Variants in STPG2 observed in about 807,000 individuals in gnomAD.
The protein encoded by STPG2 is sperm-tail PG-rich repeat-containing protein 2.
STPG2 carries 56 observed loss-of-function variants against 54.2 expected under a neutral mutation model. That is an observed-to-expected ratio of 1.03 (90% CI 0.83 to 1.29). The LOEUF (loss-of-function observed/expected upper bound fraction) is 1.29, where lower values mean the gene tolerates loss of function less well. Among genes scored for constraint, STPG2 ranks in the 50% most tolerant of loss-of-function variants. The pLI is 0.00. For synonymous variants in STPG2, 200 were observed against 181.8 expected (o/e 1.10, Z -0.81); for missense variants, 596 against 544.9 (o/e 1.09, Z -0.93).
chr4:98,113,421 T>C (rs1354955568), intron 3 of STPG2, among the ~76,000 whole-genome samples: 1 of 152,112 alleles, frequency 6.6e-6, no homozygotes, highest in Non-Finnish European at 1.5e-5. Context: ...CAACTCTCTT[T>C]AGTAACTCCA....
At chr4:97,498,881 G>A (rs1730664681) in intron 4 of STPG2, among the ~76,000 whole-genome samples, 1 of 151,758 alleles carries the variant, frequency 6.6e-6, no homozygotes, top group African/African-American at 2.4e-5. Context: ...ATTATGAAAG[G>A]AGTACAACAG....
chr4:97,922,464 T>G (rs1295386960), intron 8 of STPG2, among the ~76,000 whole-genome samples: 2 of 152,346 alleles, frequency 1.3e-5, no homozygotes, highest in Non-Finnish European at 2.9e-5. Context: ...TCTCCTCATT[T>G]TGAAGAAACT....
intron 8 of STPG2, among the ~76,000 whole-genome samples, chr4:97,852,719 T>C (rs1431229939): frequency 6.6e-6 from 1 of 151,952 alleles, no homozygotes; most frequent in Non-Finnish European, 1.5e-5. Flanking sequence ...AAATACACTA[T>C]GCAAAAGGTA....
At chr4:97,645,541 T>C (rs933084605) in intron 10 of STPG2, among the ~76,000 whole-genome samples, 2 of 152,162 alleles carry the variant, frequency 1.3e-5, no homozygotes, top group South Asian at 2.1e-4. Context: ...ATGTGGCATA[T>C]GAATGTGGCT....
intron 8 of STPG2, among the ~76,000 whole-genome samples, chr4:97,928,181 T>G (rs1322181968): frequency 6.6e-6 from 1 of 152,174 alleles, no homozygotes; most frequent in Non-Finnish European, 1.5e-5. Flanking sequence ...GGTTTCCATC[T>G]GAGAGGCCCT....
chr4:97,998,865 C>T (rs1446622629), intron 5 of STPG2, among the ~76,000 whole-genome samples: 6 of 152,144 alleles, frequency 3.9e-5, no homozygotes, highest in Non-Finnish European at 8.8e-5. Context: ...GTTCCATGCA[C>T]ATGTCAGTGG....
chr4:97,587,550 G>A (rs1733031063), intron 10 of STPG2, among the ~76,000 whole-genome samples: 1 of 151,936 alleles, frequency 6.6e-6, no homozygotes, highest in African/African-American at 2.4e-5. Flanking sequence ...GTGGGTCACA[G>A]GACTTAGCAT....
At chr4:97,733,501 G>T (rs1724872973) in intron 9 of STPG2, among the ~76,000 whole-genome samples, 1 of 151,910 alleles carries the variant, frequency 6.6e-6, no homozygotes, top group Admixed American at 6.6e-5. Context: ...ACATTACTCA[G>T]GTGACAGATA....
At chr4:97,911,663 G>C (rs1354332117) in intron 8 of STPG2, among the ~76,000 whole-genome samples, 1 of 152,146 alleles carries the variant, frequency 6.6e-6, no homozygotes, top group African/African-American at 2.4e-5. Context: ...CTCTAGCAAG[G>C]GTTTTACCAG....
chr4:97,599,823 CAAAAA>C (rs34252589), intron 10 of STPG2, among the ~76,000 whole-genome samples: 1 of 112,806 alleles, frequency 8.9e-6, no homozygotes, highest in African/African-American at 3.9e-5. Context: ...GATTCTGTCT[CAAAAA>C]AAAAAAAAAG....
intron 8 of STPG2, among the ~76,000 whole-genome samples, chr4:97,899,308 C>A (rs2149183817): frequency 6.6e-6 from 1 of 151,888 alleles, no homozygotes; most frequent in South Asian, 2.1e-4. Flanking sequence ...AAACAGTGCT[C>A]ACAGAAATCA....
intron 10 of STPG2, among the ~76,000 whole-genome samples, chr4:97,622,410 A>G (rs1734035433): frequency 6.6e-6 from 1 of 151,918 alleles, no homozygotes; most frequent in Non-Finnish European, 1.5e-5. Flanking sequence ...TCTTGATTAG[A>G]TAAACAAATT....
intron 8 of STPG2, among the ~76,000 whole-genome samples, chr4:97,856,986 T>C (rs1729358668): frequency 6.6e-6 from 1 of 152,140 alleles, no homozygotes. Context: ...GTTGAACAAA[T>C]CCTGCATCCC....
At chr4:98,136,443 C>A (rs1230324675) in intron 1 of STPG2, among the ~76,000 whole-genome samples, 1 of 151,496 alleles carries the variant, frequency 6.6e-6, no homozygotes, top group Non-Finnish European at 1.5e-5. Context: ...AACACAAAGA[C>A]TATTTTATAA....
At chr4:97,778,173 G>A (rs1262337536) in intron 9 of STPG2, among the ~76,000 whole-genome samples, 3 of 152,154 alleles carry the variant, frequency 2.0e-5, no homozygotes, top group Non-Finnish European at 4.4e-5. Flanking sequence ...GCCAAAGGAA[G>A]GGGTGACAGA....
intron 4 of STPG2, among the ~76,000 whole-genome samples, chr4:97,519,350 T>C (rs957873685): frequency 1.3e-5 from 2 of 151,938 alleles, no homozygotes; most frequent in Non-Finnish European, 2.9e-5. Context: ...CTGCTTGCCC[T>C]GGAAGGCATC....
At chr4:97,931,873 G>T (rs746154013) in intron 8 of STPG2, among the ~76,000 whole-genome samples, 4 of 151,744 alleles carry the variant, frequency 2.6e-5, no homozygotes, top group Non-Finnish European at 5.9e-5. Flanking sequence ...TCAGGTCTTG[G>T]TCTTTTTTTT....
chr4:97,858,118 T>C (rs1366259478), intron 8 of STPG2, among the ~76,000 whole-genome samples: 1 of 151,882 alleles, frequency 6.6e-6, no homozygotes, highest in East Asian at 1.9e-4. Context: ...GAGATAAGGG[T>C]AGACAGTTTA....
chr4:97,680,759 C>A (rs893984271), intron 10 of STPG2, among the ~76,000 whole-genome samples: 1 of 151,456 alleles, frequency 6.6e-6, no homozygotes, highest in Non-Finnish European at 1.5e-5. Context: ...GCCAGGTGGA[C>A]CCCCTTTGTC....
Sources: allele counts gnomAD v4.1 joint callset (sites outside exome capture counted in the v4.1 genomes callset), GRCh38; gene constraint gnomAD v4.1.1; transcripts MANE v1.5; gene names NCBI Gene and HGNC (gene_info 2026-07-23, HGNC 2026-07-21).